Variants in GPR139 observed in about 807,000 individuals in gnomAD.
GPR139 encodes the protein G protein-coupled receptor 139, also known as probable G protein-coupled receptor 139.
A neutral mutation model predicts 25.8 loss-of-function variants in GPR139; 12 were observed. The ratio of observed to expected loss-of-function variants is 0.47; its 90% CI spans 0.30 to 0.75. The LOEUF is 0.75. GPR139 is among the 30% of genes least tolerant of loss of function. GPR139 has a pLI of 0.07. For missense variants in GPR139, 380 were observed against 450.2 expected, an observed-to-expected ratio of 0.84 and a Z score of 1.41; for synonymous variants, 184 against 179.9, an observed-to-expected ratio of 1.02 and a Z score of -0.18.
intron 1 of GPR139, among the ~76,000 whole-genome samples, chr16:20,041,281 A>G: frequency 7.2e-6 from 1 of 138,048 alleles, no homozygotes; most frequent in Non-Finnish European, 1.5e-5. Context: ...TCTCTCTCTG[A>G]CAAAGTTGCC....
intron 1 of GPR139, among the ~76,000 whole-genome samples, chr16:20,063,132 T>C (rs914903635): frequency 6.8e-4 from 103 of 152,260 alleles, no homozygotes; most frequent in African/African-American, 2.3e-3. Flanking sequence ...AAATATCAAA[T>C]GCTCAGTAGC....
chr16:20,052,375 C>T (rs1175942452), intron 1 of GPR139, among the ~76,000 whole-genome samples: 2 of 152,196 alleles, frequency 1.3e-5, no homozygotes, highest in East Asian at 1.9e-4. Context: ...GTTCTCTGCC[C>T]CACCTTAGAA....
intron 1 of GPR139, 119 bp from the exon 2 acceptor site, chr16:20,032,788 A>G (rs1475996671): frequency 1.0e-5 from 7 of 678,366 alleles, no homozygotes; most frequent in South Asian, 5.9e-5. Flanking sequence ...GATTGAATCA[A>G]TGCTTTTGAG....
chr16:20,044,994 ATTTTTT>A (rs10581585), intron 1 of GPR139, among the ~76,000 whole-genome samples: 3 of 86,330 alleles, frequency 3.5e-5, no homozygotes, highest in African/African-American at 9.7e-5. Context: ...CACTTGCACT[ATTTTTT>A]TTTTTTTTTT....
intron 1 of GPR139, among the ~76,000 whole-genome samples, chr16:20,055,147 T>C (rs1235199535): frequency 6.6e-6 from 1 of 152,166 alleles, no homozygotes; most frequent in Non-Finnish European, 1.5e-5. Context: ...TTCCCTTGTA[T>C]GTGTCAATGT....
chr16:20,049,610 T>C (rs1213057447), intron 1 of GPR139, among the ~76,000 whole-genome samples: 1 of 152,238 alleles, frequency 6.6e-6, no homozygotes, highest in Non-Finnish European at 1.5e-5. Flanking sequence ...TGAATGTGAT[T>C]GACAGTTTCA....
In GPR139 at chr16:20,032,550, C is replaced by G. The variant is rs762328410; in HGVS notation, c.247G>C (p.Val83Leu). The stretch of plus-strand genomic sequence containing the variant: ...ATGAAATCTTCCAACAGGAAGTCCA[C>G]AAACACTATGAAAAAGAGGACCAAG... ...DILVLFFIVF[V>L]DFLLEDFILN... Residue 83 changes from valine to leucine, a missense_variant, in exon 2 of 2, where the codon GTG becomes CTG. Physicochemically the swap from Val to Leu is conservative, Grantham distance 32 (BLOSUM62 1). Coordinates refer to ENST00000570682, the MANE Select transcript of GPR139 (RefSeq NM_001002911.4). The G allele has an allele frequency of 6.2e-7, 1 of 1,614,166 alleles. No homozygotes were observed. The highest frequency in any genetic ancestry group is 1.1e-5 in the South Asian group (1 of 91,074).
intron 1 of GPR139, among the ~76,000 whole-genome samples, chr16:20,041,425 C>T (rs570444086): frequency 9.9e-5 from 15 of 151,622 alleles, no homozygotes; most frequent in Non-Finnish European, 2.1e-4. Flanking sequence ...ATTTCTAAGA[C>T]TCCTACATAA....
intron 1 of GPR139, among the ~76,000 whole-genome samples, chr16:20,064,777 G>A (rs138398839): frequency 1.1e-4 from 17 of 152,318 alleles, no homozygotes; most frequent in Admixed American, 2.6e-4. Flanking sequence ...AGGAAACAAC[G>A]AGGCGGGAAT....
chr16:20,049,756 A>G (rs1429597510), intron 1 of GPR139, among the ~76,000 whole-genome samples: 1 of 152,184 alleles, frequency 6.6e-6, no homozygotes, highest in Non-Finnish European at 1.5e-5. Flanking sequence ...TAAACACTCC[A>G]TGCCTCAATG....
At chr16:20,056,635 T>C (rs539683285) in intron 1 of GPR139, among the ~76,000 whole-genome samples, 2 of 152,340 alleles carry the variant, frequency 1.3e-5, no homozygotes, top group Admixed American at 1.3e-4. Flanking sequence ...TGCACATTGG[T>C]CAGCACTTTA....
At chr16:20,070,914 A>C (rs2057457348) in intron 1 of GPR139, 15 of 983,390 alleles carry the variant, frequency 1.5e-5, no homozygotes, top group African/African-American at 1.7e-5. Context: ...ACGCAGAGTT[A>C]CATGCTGACC....
intron 1 of GPR139, among the ~76,000 whole-genome samples, chr16:20,044,285 A>G (rs566725308): frequency 1.3e-5 from 2 of 152,332 alleles, no homozygotes; most frequent in Admixed American, 6.5e-5. Flanking sequence ...AAAAGACCCT[A>G]TTTCTCAGAC....
intron 1 of GPR139, among the ~76,000 whole-genome samples, chr16:20,041,109 CAGAAAGGAAA>C (rs2057328494): frequency 1.9e-5 from 2 of 103,304 alleles, no homozygotes; most frequent in East Asian, 2.8e-4. Flanking sequence ...GACTCTGACC[CAGAAAGGAAA>C]GGAAAGGAAA....
chr16:20,050,134 G>A (rs1485544521), intron 1 of GPR139, among the ~76,000 whole-genome samples: 1 of 152,188 alleles, frequency 6.6e-6, no homozygotes. Flanking sequence ...GAATAAGACA[G>A]TAAGCTATGG....
chr16:20,060,362 A>G (rs1364088913), intron 1 of GPR139, among the ~76,000 whole-genome samples: 1 of 151,392 alleles, frequency 6.6e-6, no homozygotes, highest in Non-Finnish European at 1.5e-5. Context: ...CTATGTGTGC[A>G]AGTTGATGTG....
intron 1 of GPR139, among the ~76,000 whole-genome samples, chr16:20,053,458 G>A (rs1162074850): frequency 6.6e-6 from 1 of 152,152 alleles, no homozygotes; most frequent in Admixed American, 6.5e-5. Flanking sequence ...AGAGGGAGCC[G>A]CAAGTGAAAA....
chr16:20,072,057 G>A (rs927234799), intron 1 of GPR139, among the ~76,000 whole-genome samples: 1 of 152,162 alleles, frequency 6.6e-6, no homozygotes, highest in Admixed American at 6.5e-5. Flanking sequence ...GAGAAGCTCC[G>A]AAGGGCTGAA....
chr16:20,052,653 C>T (rs565756710), intron 1 of GPR139, among the ~76,000 whole-genome samples: 6 of 152,086 alleles, frequency 3.9e-5, no homozygotes, highest in East Asian at 1.9e-4. Flanking sequence ...ACAAATTAGC[C>T]GGGCGTGGTG....
Sources: gnomAD v4.1 joint callset for allele counts (sites outside exome capture counted in the v4.1 genomes callset) on GRCh38, gnomAD v4.1.1 for gene constraint, MANE v1.5 for transcripts, NCBI Gene and HGNC (gene_info 2026-07-23, HGNC 2026-07-21) for gene names.